ZFPM1: variants seen among roughly 807,000 people sequenced by gnomAD.
ZFPM1 encodes the protein zinc finger protein, FOG family member 1.
In ZFPM1, 28 loss-of-function variants were observed where a neutral mutation model predicts 46.3. The ratio of observed to expected loss-of-function variants is 0.60; its 90% CI spans 0.45 to 0.83. ZFPM1 has a LOEUF of 0.83. ZFPM1 is among the 40% of genes least tolerant of loss of function. The pLI is 0.00. For missense variants in ZFPM1, 1,878 were observed against 1,432.4 expected, an observed-to-expected ratio of 1.31 and a Z score of -5.02; for synonymous variants, 957 against 675.9, an observed-to-expected ratio of 1.42 and a Z score of -6.45.
chr16:88,498,673 G>A (rs1009863890), intron 3 of ZFPM1, among the ~76,000 whole-genome samples: 5 of 152,324 alleles, frequency 3.3e-5, no homozygotes, highest in South Asian at 2.1e-4. Context: ...GTCCCAGGCC[G>A]AGGGCGCAGT....
chr16:88,455,059 C>T (rs1040977448), intron 1 of ZFPM1, among the ~76,000 whole-genome samples: 1 of 152,168 alleles, frequency 6.6e-6, no homozygotes, highest in Non-Finnish European at 1.5e-5. Context: ...AAAAGCCACC[C>T]ACAGGTCCCG....
chr16:88,527,925 G>A, intron 5 of ZFPM1, 107 bp from the exon 6 acceptor site: 1 of 1,178,788 alleles, frequency 8.5e-7, no homozygotes, highest in Non-Finnish European at 1.2e-6. Flanking sequence ...AGCCATGGCT[G>A]TGAACCCGGG....
intron 3 of ZFPM1, among the ~76,000 whole-genome samples, chr16:88,498,641 A>G (rs1402979817): frequency 6.6e-6 from 1 of 152,054 alleles, no homozygotes; most frequent in Non-Finnish European, 1.5e-5. Flanking sequence ...TTCCAAATGA[A>G]CGAGGGGCGT....
intron 3 of ZFPM1, among the ~76,000 whole-genome samples, chr16:88,503,841 A>T (rs890934157): frequency 6.6e-6 from 1 of 152,072 alleles, no homozygotes; most frequent in Non-Finnish European, 1.5e-5. Flanking sequence ...CCGAGGCCTC[A>T]GTCTCCCCCT....
At chr16:88,467,847 G>C (rs984264358) in intron 1 of ZFPM1, among the ~76,000 whole-genome samples, 4 of 152,146 alleles carry the variant, frequency 2.6e-5, no homozygotes, top group Admixed American at 6.5e-5. Context: ...AAGAGAACTT[G>C]ATAAAAAAGG....
At chr16:88,499,470 G>C (rs901906196) in intron 3 of ZFPM1, among the ~76,000 whole-genome samples, 1 of 152,224 alleles carries the variant, frequency 6.6e-6, no homozygotes, top group African/African-American at 2.4e-5. Flanking sequence ...GAGGCCTGGG[G>C]TGGGGCCGGC....
In ZFPM1 at chr16:88,533,521, CG is replaced by C; in HGVS notation, c.1567del (p.Ala523ProfsTer275). 1 of 1,430,658 alleles carries C rather than the reference CG, an allele frequency of 7.0e-7. No homozygotes were observed. Among genetic ancestry groups the C allele is most frequent in the Non-Finnish European group, 9.1e-7 (1 of 1,096,370 alleles). The allele number at this position is 1,430,658 out of a possible 1,614,324, so 88.6% of individuals were successfully genotyped here. On this transcript the variant is annotated frameshift_variant, in exon 10 of 10. Coordinates refer to ENST00000319555, the MANE Select transcript of ZFPM1 (RefSeq NM_153813.3). LOFTEE classifies it low-confidence loss of function (END_TRUNC). ...SPVPGELGLAGALFLPQYVFG... is the reference protein window; with the variant it reads ...SPVPGELGLAXALFLPQYVFG... ...CGGTGCCCGGCGAGCTGGGCCTGGCCGGGGCCCTGTTCCTTCCGCAGTACGT... is the reference window on the plus strand; with the variant it reads ...CGGTGCCCGGCGAGCTGGGCCTGGCCGGGCCCTGTTCCTTCCGCAGTACGT...
intron 4 of ZFPM1, among the ~76,000 whole-genome samples, chr16:88,519,173 G>A: frequency 1.5e-5 from 2 of 137,802 alleles, no homozygotes; most frequent in African/African-American, 2.7e-5. Context: ...GCATGGGTGG[G>A]TGGATGGGTG....
intron 1 of ZFPM1, among the ~76,000 whole-genome samples, chr16:88,467,107 T>C (rs1312497973): frequency 6.6e-6 from 1 of 152,102 alleles, no homozygotes; most frequent in African/African-American, 2.4e-5. Context: ...ACGGCTACAG[T>C]GTGCCGATGA....
At chr16:88,467,098 C>T (rs558961400) in intron 1 of ZFPM1, among the ~76,000 whole-genome samples, 1 of 152,286 alleles carries the variant, frequency 6.6e-6, no homozygotes, top group South Asian at 2.1e-4. Flanking sequence ...TTTCCGCCAA[C>T]GGCTACAGTG....
intron 1 of ZFPM1, among the ~76,000 whole-genome samples, chr16:88,465,210 C>T (rs571837312): frequency 5.3e-5 from 8 of 152,300 alleles, no homozygotes; most frequent in South Asian, 2.1e-4. Context: ...CAGCAGGGCC[C>T]GGGCTGGGGA....
chr16:88,508,440 T>C (rs1910777111), intron 3 of ZFPM1, among the ~76,000 whole-genome samples: 2 of 152,242 alleles, frequency 1.3e-5, no homozygotes, highest in Admixed American at 6.5e-5. Flanking sequence ...CCACCCTTTC[T>C]ACTGCCCAAG....
rs149371556 is a variant in ZFPM1, at chr16:88,473,795, C to T, written c.41-12144C>T. On this transcript the variant is annotated intron_variant, in intron 1 of 9. Coordinates refer to ENST00000319555, the MANE Select transcript of ZFPM1 (RefSeq NM_153813.3). ...GTGCGTGGCCTCAGCCACCCTGCCA[C>T]ACATATGGCCTGACCCCATCCTCAC... Among the ~76,000 whole-genome samples the T allele has an allele frequency of 3.9e-3, 601 of 152,348 alleles. 2 individuals are homozygous for T. The highest frequency in any genetic ancestry group is 5.0e-3 in the Non-Finnish European group (342 of 68,024).
At position 88,526,873 on chromosome 16, in the gene ZFPM1, G is replaced by A. The variant is rs959938213; in HGVS notation, c.462G>A (p.Gln154=). Residue 154 remains glutamine (Q), a synonymous_variant, in exon 5 of 10, where the codon CAG becomes CAA. Coordinates refer to ENST00000319555, the MANE Select transcript of ZFPM1 (RefSeq NM_153813.3). ...CCTGCTGGCTGAGGACGCTGCCCCA[G>A]GCCCTGACTGAGGCCGAGGCCAACA... ...DEACWLRTLP[Q]ALTEAEANTE... is the part of the protein sequence containing the mutation. 2 of 1,581,074 alleles carry A rather than the reference G, an allele frequency of 1.3e-6. No homozygotes were observed. Among genetic ancestry groups the A allele is most frequent in the Admixed American group, 1.8e-5 (1 of 56,068 alleles).
At position 88,518,706 on chromosome 16, in the gene ZFPM1, C is replaced by CGGAT. The variant is rs201394717; in HGVS notation, c.402+4205_402+4208dup. On this transcript the variant is annotated intron_variant, in intron 4 of 9. Transcript: ENST00000319555. ...GTGGATGGATGGGTGGATTGATGGACGGATGGATGGATGGATGGATGGCTG... is the reference window on the plus strand; with the variant it reads ...GTGGATGGATGGGTGGATTGATGGACGGATGGATGGATGGATGGATGGATGGCTG... 1.7e-3 allele frequency among the ~76,000 whole-genome samples: 172 copies of CGGAT among 101,390 alleles called. 1 individual carries two copies. Among genetic ancestry groups the CGGAT allele is most frequent in the African/African-American group, 6.0e-3 (153 of 25,582 alleles). The allele number at this position is 101,390 out of a possible 152,430, so 66.5% of individuals were successfully genotyped here. A position where few individuals can be genotyped will look rare whatever the true frequency, so the allele number is the denominator to read the frequency against.
At chr16:88,523,880 G>A (rs975255490) in intron 4 of ZFPM1, among the ~76,000 whole-genome samples, 14 of 151,540 alleles carry the variant, frequency 9.2e-5, no homozygotes, top group South Asian at 6.3e-4. Flanking sequence ...CAGGCGCCCC[G>A]TCGCGCCCCA....
chr16:88,534,948 G>A lies in ZFPM1; in HGVS notation c.2990G>A (p.Cys997Tyr). The A allele has an allele frequency of 6.6e-7, 1 of 1,524,068 alleles. No individual in the cohort carries two copies. The highest frequency in any genetic ancestry group is 8.8e-7 in the Non-Finnish European group (1 of 1,132,008). 94.4% of individuals were successfully genotyped at this position (1,524,068 alleles called of 1,614,324 possible). ...TTCATCGCCCACAAGAAGTATTACT[G>A]CTCCTCGCACGCCGCCGAGCACGTG... Reference protein sequence around the residue: ...STFIAHKKYYCSSHAAEHVK With the variant: ...STFIAHKKYYYSSHAAEHVK The change falls in exon 10 of 10, where the codon TGC (cysteine) becomes TAC (tyrosine). Residue 997 changes from cysteine to tyrosine, a missense_variant. Cys to Tyr is a radical substitution (Grantham distance 194, BLOSUM62 -2). Transcript: ENST00000319555.
intron 3 of ZFPM1, among the ~76,000 whole-genome samples, chr16:88,492,203 G>C (rs554520855): frequency 2.7e-5 from 4 of 148,868 alleles, no homozygotes; most frequent in South Asian, 2.1e-4. Context: ...CTCTCTCTCT[G>C]TCTCTCTCCA....
intron 4 of ZFPM1, among the ~76,000 whole-genome samples, chr16:88,526,436 C>T (rs1002144210): frequency 9.6e-5 from 14 of 145,396 alleles, no homozygotes; most frequent in African/African-American, 3.1e-4. Context: ...CAAGGGTGGG[C>T]GAGCAGTGGG....
Sources: allele counts gnomAD v4.1 joint callset (sites outside exome capture counted in the v4.1 genomes callset), GRCh38; gene constraint gnomAD v4.1.1; transcripts MANE v1.5; gene names NCBI Gene and HGNC (gene_info 2026-07-23, HGNC 2026-07-21).